The following FBXO25 variants were observed in gnomAD, a reference collection of about 807,000 sequenced individuals.
The protein encoded by FBXO25 is F-box only protein 25.
FBXO25 carries 45 observed loss-of-function variants against 51.9 expected under a neutral mutation model. The observed-to-expected ratio is 0.87, with a 90% confidence interval of 0.68 to 1.11. FBXO25 has a LOEUF of 1.11. Ranked by LOEUF, FBXO25 falls within the 50% of genes most tolerant of loss-of-function variation. The pLI, the probability that FBXO25 is intolerant of heterozygous loss-of-function variation, is 0.00. For synonymous variants in FBXO25, 199 were observed against 151.0 expected (o/e 1.32, Z -2.33); for missense variants, 507 against 428.5 (o/e 1.18, Z -1.62).
At chr8:452,898 C>T (rs1025724300) in intron 7 of FBXO25, among the ~76,000 whole-genome samples, 10 of 152,338 alleles carry the variant, frequency 6.6e-5, no homozygotes, top group Non-Finnish European at 1.5e-4. Flanking sequence ...GAAGGCATGG[C>T]TGTATGCTGA....
Position 472,662 on chromosome 8 carries a change from T to TATAAG in FBXO25, c.*3861_*3865dup, listed in dbSNP as rs1258937750. On this transcript the variant is annotated 3_prime_UTR_variant, in exon 10 of 10. Transcript: ENST00000350302. The stretch of plus-strand genomic sequence containing the variant: ...TCTTTAAATGTTTGAGAGAACTCCA[T>TATAAG]ATAAGATTTGAAGTCACTGAGAAGC... 1 of 152,236 alleles carries TATAAG rather than the reference T, an allele frequency of 6.6e-6. No homozygotes were observed. Among genetic ancestry groups the TATAAG allele is most frequent in the Non-Finnish European group, 1.5e-5 (1 of 68,044 alleles). The allele number at this position is 152,236 out of a possible 1,614,324, so 9.4% of individuals were successfully genotyped here.
chr8:469,055 A>ACTCT lies in FBXO25; in HGVS notation c.*260_*263dup, dbSNP rs35458213. ...CATATTAAAATGTGAAATTTTGCGTACTCTCTCTCTCTATATATATAGTTC... is the reference window on the plus strand; with the variant it reads ...CATATTAAAATGTGAAATTTTGCGTACTCTCTCTCTCTCTCTATATATATAGTTC... On this transcript the variant is annotated 3_prime_UTR_variant, in exon 10 of 10. Coordinates refer to ENST00000350302, the MANE Select transcript of FBXO25 (RefSeq NM_183420.2). 2.3e-6 allele frequency: 1 copy of ACTCT among 440,312 alleles called. No homozygotes were observed. The highest frequency in any genetic ancestry group is 4.0e-6 in the Non-Finnish European group (1 of 251,220). 27.3% of individuals were successfully genotyped at this position (440,312 alleles called of 1,614,324 possible).
rs201221465 is a variant in FBXO25, at chr8:435,717, C to A, written c.381+10C>A. 1.4e-4 allele frequency: 219 copies of A among 1,565,994 alleles called. 4 individuals are homozygous for A. In the South Asian group the frequency reaches 2.0e-3, roughly 14 times the overall value. ...CAATTATGTGGTCAAAGTAAGTGTTCTATTTCAAAAACTACTTTGATGACT... is the reference window on the plus strand; with the variant it reads ...CAATTATGTGGTCAAAGTAAGTGTTATATTTCAAAAACTACTTTGATGACT... On this transcript the variant is annotated intron_variant, in intron 5 of 9. Coordinates refer to ENST00000350302, the MANE Select transcript of FBXO25 (RefSeq NM_183420.2).
At chr8:461,163 T>C (rs1266617423) in intron 8 of FBXO25, among the ~76,000 whole-genome samples, 1 of 152,222 alleles carries the variant, frequency 6.6e-6, no homozygotes, top group Non-Finnish European at 1.5e-5. Flanking sequence ...AAAACTGTAA[T>C]TGAAAGTCAC....
At chr8:443,389 C>G (rs998893531) in intron 5 of FBXO25, among the ~76,000 whole-genome samples, 20 of 151,388 alleles carry the variant, frequency 1.3e-4, no homozygotes, top group Non-Finnish European at 2.2e-4. Flanking sequence ...TAGAGTATGA[C>G]TAAACACAGC....
rs150850177 is a variant in FBXO25 at position 444,190 on chromosome 8, C to T, written c.382-5800C>T. 2.7e-3 allele frequency among the ~76,000 whole-genome samples: 406 copies of T among 152,280 alleles called. 4 individuals carry two copies. The highest frequency in any genetic ancestry group is 9.3e-3 in the African/African-American group (388 of 41,550). On this transcript the variant is annotated intron_variant, in intron 5 of 9. Transcript: ENST00000350302. Reference sequence around the variant, plus strand: ...TTATAAATCTGAAGGAACCCAAAGGCGAAGATTGAGCAAAGTTGATTTGGT... The same window carrying T: ...TTATAAATCTGAAGGAACCCAAAGGTGAAGATTGAGCAAAGTTGATTTGGT...
chr8:455,019 A>C (rs1418917971), intron 7 of FBXO25, among the ~76,000 whole-genome samples: 1 of 152,192 alleles, frequency 6.6e-6, no homozygotes, highest in African/African-American at 2.4e-5. Context: ...TCAGCTTCCC[A>C]CTATGACTGA....
intron 5 of FBXO25, among the ~76,000 whole-genome samples, chr8:442,531 A>G (rs535262544): frequency 3.3e-5 from 5 of 152,038 alleles, no homozygotes; most frequent in Admixed American, 6.5e-5. Context: ...GTGCAGTGGC[A>G]TAATCTTGGC....
At chr8:423,072 A>G (rs1194822980) in intron 2 of FBXO25, among the ~76,000 whole-genome samples, 1 of 152,194 alleles carries the variant, frequency 6.6e-6, no homozygotes, top group African/African-American at 2.4e-5. Flanking sequence ...CAGCAGCACT[A>G]CTAACTGAAA....
chr8:417,055 C>G (rs1585006623), intron 2 of FBXO25, among the ~76,000 whole-genome samples: 1 of 152,166 alleles, frequency 6.6e-6, no homozygotes, highest in Non-Finnish European at 1.5e-5. Context: ...AAGAAAAGTG[C>G]AAAGGCCTCA....
chr8:435,310 G>A (rs1277483221), intron 4 of FBXO25: 11 of 366,474 alleles, frequency 3.0e-5, no homozygotes, highest in African/African-American at 6.5e-5. Context: ...CTTTAACGTC[G>A]TCCACACCCC....
chr8:433,898 C>T (rs755204866), intron 4 of FBXO25, among the ~76,000 whole-genome samples: 8 of 152,142 alleles, frequency 5.3e-5, no homozygotes, highest in African/African-American at 9.7e-5. Flanking sequence ...AATATACACT[C>T]GAATACACCA....
chr8:439,040 A>C (rs1247078026), intron 5 of FBXO25, among the ~76,000 whole-genome samples: 1 of 152,216 alleles, frequency 6.6e-6, no homozygotes, highest in African/African-American at 2.4e-5. Flanking sequence ...GAGGAGCTGC[A>C]CTTCCATGAA....
chr8:413,107 TCTC>T lies in FBXO25; in HGVS notation c.31_33del (p.Pro11del). 6.3e-7 allele frequency: 1 copy of T among 1,596,654 alleles called. No homozygotes were observed. Among genetic ancestry groups the T allele is most frequent in the South Asian group, 1.1e-5 (1 of 87,176 alleles). ...GCCATTTTTGGGTCAGGACTGGAGATCTCCTGGATGGAGTTGGATTAAGACAGA... is the reference window on the plus strand; with the variant it reads ...GCCATTTTTGGGTCAGGACTGGAGATCTGGATGGAGTTGGATTAAGACAGA... On this transcript the variant is annotated inframe_deletion, in exon 2 of 10. Coordinates refer to ENST00000350302, the MANE Select transcript of FBXO25 (RefSeq NM_183420.2).
In FBXO25 at chr8:472,695, A is replaced by G. The variant is rs1219190942; in HGVS notation, c.*3891A>G. On this transcript the variant is annotated 3_prime_UTR_variant, in exon 10 of 10. Transcript: ENST00000350302. Reference sequence around the variant, plus strand: ...TTGAAGTCACTGAGAAGCTTCAATTATCCTTTAAGAGGATAAGACCATTTT... The same window carrying G: ...TTGAAGTCACTGAGAAGCTTCAATTGTCCTTTAAGAGGATAAGACCATTTT... The G allele has an allele frequency of 6.6e-6, 1 of 152,264 alleles. No individual in the cohort carries two copies. The highest frequency in any genetic ancestry group is 2.4e-5 in the African/African-American group (1 of 41,476). 9.4% of individuals were successfully genotyped at this position (152,264 alleles called of 1,614,324 possible).
rs764951878 is a variant in FBXO25 at position 413,170 on chromosome 8, A to C, written c.91A>C (p.Lys31Gln). The C allele has an allele frequency of 5.0e-6, 8 of 1,610,764 alleles. No homozygotes were observed. In the East Asian group the frequency reaches 1.8e-4, roughly 36 times the overall value. ...GWKRCESCSQ[K>Q]LERENNRCNI... ...GAAGAGATGTGAATCTTGTAGTCAG[A>C]AACTTGAAAGAGAGAATAACCGTTG... Residue 31 changes from lysine (K) to glutamine (Q), a missense_variant, in exon 2 of 10, where the codon AAA becomes CAA. Lys to Gln is a moderately conservative substitution (Grantham distance 53). Transcript: ENST00000350302.
chr8:438,501 G>C lies in FBXO25; in HGVS notation c.381+2794G>C, dbSNP rs140619910. Among the ~76,000 whole-genome samples, 391 of 152,300 alleles carry C rather than the reference G, an allele frequency of 2.6e-3. 3 individuals are homozygous for C. The highest frequency in any genetic ancestry group is 4.3e-3 in the Non-Finnish European group (292 of 68,026). On this transcript the variant is annotated intron_variant, in intron 5 of 9. Transcript: ENST00000350302. ...TAGTGTTCAATTACAGATTCTTCCA[G>C]TTGCCAAAATAAAGTTAAGTAGTTT...
At position 474,251 on chromosome 8, in the gene FBXO25, T is replaced by G; in HGVS notation, c.*5447T>G. 1 of 180,446 alleles carries G rather than the reference T, an allele frequency of 5.5e-6. No individual in the cohort carries two copies. Among genetic ancestry groups the G allele is most frequent in the Non-Finnish European group, 1.1e-5 (1 of 88,788 alleles). The allele number at this position is 180,446 out of a possible 1,614,324, so 11.2% of individuals were successfully genotyped here. On this transcript the variant is annotated 3_prime_UTR_variant, in exon 10 of 10. Coordinates refer to ENST00000350302, the MANE Select transcript of FBXO25 (RefSeq NM_183420.2). ...GCTTATTTCACTTAGCGTAATGTCC[T>G]CAAGGTTTATTCAAGTTGTAGGATA...
chr8:468,380 C>T, intron 9 of FBXO25: 1 of 644,224 alleles, frequency 1.6e-6, no homozygotes, highest in Non-Finnish European at 1.9e-6. Flanking sequence ...CAGAAAGTCC[C>T]CAGTGGTTTC....
Sources: allele counts gnomAD v4.1 joint callset (sites outside exome capture counted in the v4.1 genomes callset), GRCh38; gene constraint gnomAD v4.1.1; transcripts MANE v1.5; gene names NCBI Gene and HGNC (gene_info 2026-07-23, HGNC 2026-07-21).